ADK: variants seen among roughly 807,000 people sequenced by gnomAD.
ADK encodes adenosine kinase, also known as N6,N6-dimethyladenosine kinase.
ADK carries 24 observed loss-of-function variants against 44.7 expected under a neutral mutation model. That is an observed-to-expected ratio of 0.54 (90% confidence interval 0.39 to 0.76). ADK has a LOEUF of 0.76. ADK is among the 30% of genes least tolerant of loss of function. ADK has a pLI of 0.00. For missense variants in ADK, 321 were observed against 425.1 expected (o/e 0.76, Z 2.15); for synonymous variants, 128 against 142.6 (o/e 0.90, Z 0.73).
chr10:74,503,781 C>T (rs1217959894), intron 6 of ADK, among the ~76,000 whole-genome samples: 1 of 152,094 alleles, frequency 6.6e-6, no homozygotes, highest in African/African-American at 2.4e-5. Context: ...GGATAAGAAA[C>T]AAAACTGATT....
intron 6 of ADK, among the ~76,000 whole-genome samples, chr10:74,499,548 C>T (rs1157062441): frequency 1.3e-5 from 2 of 152,136 alleles, no homozygotes; most frequent in Admixed American, 6.5e-5. Flanking sequence ...ATTAGCCAGG[C>T]GTGGTGGCGG....
chr10:74,383,366 C>T (rs370000477), intron 4 of ADK, among the ~76,000 whole-genome samples: 1 of 138,496 alleles, frequency 7.2e-6, no homozygotes, highest in African/African-American at 2.6e-5. Context: ...TTTTAGTTTT[C>T]TGATTCCAGT....
At chr10:74,368,329 G>T (rs1362263613) in intron 4 of ADK, among the ~76,000 whole-genome samples, 1 of 151,916 alleles carries the variant, frequency 6.6e-6, no homozygotes, top group Non-Finnish European at 1.5e-5. Context: ...GACTGGTCTT[G>T]AATTTCTGGG....
intron 3 of ADK, among the ~76,000 whole-genome samples, chr10:74,244,464 A>G (rs1252532651): frequency 6.6e-6 from 1 of 152,226 alleles, no homozygotes; most frequent in Non-Finnish European, 1.5e-5. Flanking sequence ...TGATAAAGGT[A>G]AAGATGAATT....
At chr10:74,535,625 T>G in intron 7 of ADK, among the ~76,000 whole-genome samples, 1 of 148,106 alleles carries the variant, frequency 6.8e-6, no homozygotes, top group South Asian at 2.2e-4. Context: ...TCTTATTGCC[T>G]AGGCTGGAGT....
At chr10:74,258,074 T>C (rs574905059) in intron 3 of ADK, among the ~76,000 whole-genome samples, 1 of 152,338 alleles carries the variant, frequency 6.6e-6, no homozygotes, top group South Asian at 2.1e-4. Flanking sequence ...TAGTTTTTAT[T>C]TATTTTTATA....
At chr10:74,498,494 A>G (rs1293385844) in intron 6 of ADK, among the ~76,000 whole-genome samples, 2 of 152,230 alleles carry the variant, frequency 1.3e-5, no homozygotes, top group Non-Finnish European at 2.9e-5. Flanking sequence ...GAAACATATA[A>G]TCTATCCTTT....
chr10:74,301,305 G>A (rs897732092), intron 3 of ADK, among the ~76,000 whole-genome samples: 2 of 152,030 alleles, frequency 1.3e-5, no homozygotes, highest in African/African-American at 4.8e-5. Context: ...ATGAGGTCAG[G>A]AGTTCAAGAC....
At chr10:74,540,649 G>C (rs1026931034) in intron 7 of ADK, among the ~76,000 whole-genome samples, 24 of 152,130 alleles carry the variant, frequency 1.6e-4, no homozygotes, top group African/African-American at 5.8e-4. Context: ...TAGTAGAGAT[G>C]GGGTTTTGCC....
intron 9 of ADK, among the ~76,000 whole-genome samples, chr10:74,654,111 A>G (rs1854388749): frequency 6.6e-6 from 1 of 152,240 alleles, no homozygotes; most frequent in Non-Finnish European, 1.5e-5. Flanking sequence ...TACTGATGGA[A>G]AGTCCATGAT....
At chr10:74,636,426 T>C (rs1166534815) in intron 9 of ADK, among the ~76,000 whole-genome samples, 1 of 152,112 alleles carries the variant, frequency 6.6e-6, no homozygotes, top group East Asian at 1.9e-4. Context: ...AGTGTACAAA[T>C]TAGACTAGAG....
rs549871761 is a variant in ADK, at chr10:74,560,063, C to T, written c.727-29219C>T. On this transcript the variant is annotated intron_variant, in intron 7 of 10. Transcript: ENST00000539909. ...TCCTGAGTAGCTGGGACTACAAGTGCGCACCACCATGCCCAGATAATTTTT... is the reference window on the plus strand; with the variant it reads ...TCCTGAGTAGCTGGGACTACAAGTGTGCACCACCATGCCCAGATAATTTTT... Among the ~76,000 whole-genome samples the T allele has an allele frequency of 2.6e-5, 4 of 152,090 alleles. No homozygotes were observed. The South Asian group carries it at 6.2e-4, about 24-fold the overall frequency.
intron 9 of ADK, among the ~76,000 whole-genome samples, chr10:74,612,624 C>T (rs1479643062): frequency 6.6e-6 from 1 of 152,100 alleles, no homozygotes; most frequent in African/African-American, 2.4e-5. Flanking sequence ...TGTGCAGAAA[C>T]TCTTTAGTTA....
At chr10:74,702,524 T>TTTCCTTCTTTCCTTCCTTCC (rs1554900284) in intron 10 of ADK, among the ~76,000 whole-genome samples, 39 of 120,886 alleles carry the variant, frequency 3.2e-4, no homozygotes, top group African/African-American at 1.2e-3. Flanking sequence ...TCCTTCCTTC[T>TTTCCTTCTTTCCTTCCTTCC]TTCCTTCCTT....
At position 74,220,362 on chromosome 10, in the gene ADK, A is replaced by G. The variant is rs531462371; in HGVS notation, c.141-4176A>G. On this transcript the variant is annotated intron_variant, in intron 2 of 10. Coordinates refer to ENST00000539909, the MANE Select transcript of ADK (RefSeq NM_006721.4). The stretch of plus-strand genomic sequence containing the variant: ...GAACAGACCAATAACAGGCTCTGAA[A>G]TTGTGGCAATAATCAATAGCTTACC... Among the ~76,000 whole-genome samples, 516 of 152,330 alleles carry G rather than the reference A, an allele frequency of 3.4e-3. 1 individual carries two copies. Among genetic ancestry groups the G allele is most frequent in the African/African-American group, 0.011 (477 of 41,570 alleles).
Position 74,200,791 on chromosome 10 carries a change from T to C in ADK, c.93T>C (p.Asn31=), listed in dbSNP as rs1209019375. Reference sequence around the variant, plus strand: ...AAAATATTCTCTTTGGAATGGGAAATCCTCTGCTTGACATCTCTGCTGTAG... The same window carrying C: ...AAAATATTCTCTTTGGAATGGGAAACCCTCTGCTTGACATCTCTGCTGTAG... The part of the protein sequence containing the change: ...LRENILFGMG[N]PLLDISAVVD... Residue 31 remains asparagine (N), a synonymous_variant, in exon 2 of 11, where the codon AAT becomes AAC. Transcript: ENST00000539909. The C allele has an allele frequency of 6.2e-7, 1 of 1,611,856 alleles. No homozygotes were observed. Among genetic ancestry groups the C allele is most frequent in the Admixed American group, 1.7e-5 (1 of 60,000 alleles).
intron 6 of ADK, among the ~76,000 whole-genome samples, chr10:74,513,238 G>C (rs1200152771): frequency 6.6e-6 from 1 of 152,094 alleles, no homozygotes; most frequent in East Asian, 1.9e-4. Context: ...TGCCACTGTT[G>C]GCTGAAATGT....
intron 4 of ADK, among the ~76,000 whole-genome samples, chr10:74,378,214 T>A (rs1001117760): frequency 1.3e-5 from 2 of 152,102 alleles, no homozygotes; most frequent in African/African-American, 4.8e-5. Flanking sequence ...AGTTTGAGGT[T>A]ATAGTGAGTT....
At chr10:74,175,184 C>T (rs1340497318) in intron 1 of ADK, among the ~76,000 whole-genome samples, 1 of 152,164 alleles carries the variant, frequency 6.6e-6, no homozygotes, top group Non-Finnish European at 1.5e-5. Flanking sequence ...AGTTTGAGAC[C>T]AGCCTGGCCA....
Sources: allele counts gnomAD v4.1 joint callset (sites outside exome capture counted in the v4.1 genomes callset), GRCh38; gene constraint gnomAD v4.1.1; transcripts MANE v1.5; gene names NCBI Gene and HGNC (gene_info 2026-07-23, HGNC 2026-07-21).